NDRG3: variants seen among roughly 807,000 people sequenced by gnomAD.
NDRG3 encodes the protein protein NDRG3.
NDRG3 carries 23 observed loss-of-function variants against 57.2 expected under a neutral mutation model. The observed-to-expected ratio is 0.40, with a 90% CI of 0.29 to 0.57. NDRG3 has a LOEUF of 0.57. Among genes scored for constraint, NDRG3 ranks in the 20% least tolerant of loss-of-function variants. The pLI is 0.42. For missense variants in NDRG3, 384 were observed against 457.3 expected, an observed-to-expected ratio of 0.84 and a Z score of 1.46; for synonymous variants, 132 against 162.6, an observed-to-expected ratio of 0.81 and a Z score of 1.43.
At chr20:36,699,481 A>G (rs1983063500) in intron 3 of NDRG3, among the ~76,000 whole-genome samples, 1 of 152,292 alleles carries the variant, frequency 6.6e-6, no homozygotes, top group South Asian at 2.1e-4. Flanking sequence ...AGTTAAAGAG[A>G]GCGTCCGACA....
intron 4 of NDRG3, among the ~76,000 whole-genome samples, chr20:36,688,349 T>C (rs193292598): frequency 6.9e-4 from 105 of 152,040 alleles, no homozygotes; most frequent in Middle Eastern, 6.8e-3. Flanking sequence ...GTTCCAACTC[T>C]GAATTTTCTA....
chr20:36,661,591 A>T (rs1979204168), intron 12 of NDRG3, among the ~76,000 whole-genome samples: 1 of 152,200 alleles, frequency 6.6e-6, no homozygotes, highest in African/African-American at 2.4e-5. Context: ...GACTTCCAGA[A>T]TCAAGGCGAA....
intron 8 of NDRG3, among the ~76,000 whole-genome samples, 191 bp downstream of exon 8, chr20:36,680,625 T>C (rs1305600767): frequency 6.6e-6 from 1 of 152,158 alleles, no homozygotes; most frequent in Non-Finnish European, 1.5e-5. Context: ...TAGGAAAAGA[T>C]ACAACGGAAT....
At position 36,692,967 on chromosome 20, in the gene NDRG3, C is replaced by T. The variant is rs556244922; in HGVS notation, c.94-4183G>A. Among the ~76,000 whole-genome samples the T allele has an allele frequency of 1.9e-4, 27 of 142,504 alleles. No homozygotes were observed. The South Asian group carries it at 4.1e-3, about 22-fold the overall frequency. The allele number at this position is 142,504 out of a possible 152,430, so 93.5% of individuals were successfully genotyped here. A position where few individuals can be genotyped will look rare whatever the true frequency, so the allele number is the denominator to read the frequency against. ...GCATGTGCCAGTAATCCCAACTATT[C>T]GGGAAGCTGAGGCAGGAGAATGGCT... On this transcript the variant is annotated intron_variant, in intron 3 of 15. Transcript: ENST00000349004.
chr20:36,688,767 T>C lies in NDRG3; in HGVS notation c.111A>G (p.Thr37=). 1 of 1,613,406 alleles carries C rather than the reference T, an allele frequency of 6.2e-7. No individual in the cohort carries two copies. Residue 37 remains threonine, a synonymous_variant, in exon 4 of 16, where the codon ACA becomes ACG. Transcript: ENST00000349004. ...DFDCQEHDIE[T]THGVVHVTIR... Reference sequence around the variant, plus strand: ...TAGTGACGTGGACCACACCATGAGTTGTTTCTATATCATGTTCCTGTAACA... The same window carrying C: ...TAGTGACGTGGACCACACCATGAGTCGTTTCTATATCATGTTCCTGTAACA...
At chr20:36,668,321 T>C (rs1979813720) in intron 9 of NDRG3, among the ~76,000 whole-genome samples, 1 of 152,170 alleles carries the variant, frequency 6.6e-6, no homozygotes, top group South Asian at 2.1e-4. Context: ...TACACTTGCT[T>C]TCCCTTGTAA....
chr20:36,674,208 T>C (rs945180000), intron 8 of NDRG3, among the ~76,000 whole-genome samples: 3 of 152,178 alleles, frequency 2.0e-5, no homozygotes, highest in African/African-American at 7.2e-5. Flanking sequence ...AAATCTTTTT[T>C]TTCTTTTTTG....
chr20:36,671,670 C>A (rs1383746063), intron 8 of NDRG3, among the ~76,000 whole-genome samples: 1 of 151,928 alleles, frequency 6.6e-6, no homozygotes, highest in Non-Finnish European at 1.5e-5. Flanking sequence ...GGTGTGGTGG[C>A]AGGTACCTGT....
intron 3 of NDRG3, among the ~76,000 whole-genome samples, chr20:36,701,460 G>A (rs1423042686): frequency 6.6e-6 from 1 of 151,754 alleles, no homozygotes; most frequent in Non-Finnish European, 1.5e-5. Context: ...CGGGAAGATT[G>A]CTTCAGCCCA....
intron 2 of NDRG3, among the ~76,000 whole-genome samples, chr20:36,719,309 C>T (rs1479360822): frequency 1.3e-5 from 2 of 151,782 alleles, no homozygotes; most frequent in African/African-American, 4.8e-5. Context: ...CACCTGTAGT[C>T]CCAGCTACTT....
chr20:36,743,650 T>TA (rs1162813363), intron 1 of NDRG3, among the ~76,000 whole-genome samples: 2 of 150,708 alleles, frequency 1.3e-5, no homozygotes, highest in Non-Finnish European at 1.5e-5. Context: ...CTGTCTCTAC[T>TA]AAAAAAATAC....
chr20:36,744,803 G>A (rs367934460), intron 1 of NDRG3, among the ~76,000 whole-genome samples: 1 of 152,110 alleles, frequency 6.6e-6, no homozygotes, highest in Non-Finnish European at 1.5e-5. Flanking sequence ...CCAACCTTGG[G>A]GCAAAGGCAG....
intron 1 of NDRG3, among the ~76,000 whole-genome samples, chr20:36,742,388 C>G (rs1199210155): frequency 6.6e-6 from 1 of 152,144 alleles, no homozygotes; most frequent in Non-Finnish European, 1.5e-5. Context: ...TCTGGAATTT[C>G]AAGTTGTAGC....
At chr20:36,700,211 C>T (rs192781155) in intron 3 of NDRG3, among the ~76,000 whole-genome samples, 1 of 151,262 alleles carries the variant, frequency 6.6e-6, no homozygotes, top group Non-Finnish European at 1.5e-5. Flanking sequence ...GTAAAATTGG[C>T]TCCTTACAAA....
intron 1 of NDRG3, among the ~76,000 whole-genome samples, chr20:36,728,172 G>A (rs1985058852): frequency 6.6e-6 from 1 of 151,734 alleles, no homozygotes; most frequent in South Asian, 2.1e-4. Flanking sequence ...TCCTGCCTCA[G>A]CCTCCCGAGT....
At chr20:36,708,824 A>C (rs1478200482) in intron 2 of NDRG3, among the ~76,000 whole-genome samples, 1 of 152,060 alleles carries the variant, frequency 6.6e-6, no homozygotes. Context: ...GGATCACCTG[A>C]GGTTGGGAGT....
chr20:36,737,205 G>A (rs188915362), intron 1 of NDRG3, among the ~76,000 whole-genome samples: 14 of 152,106 alleles, frequency 9.2e-5, no homozygotes, highest in Non-Finnish European at 1.9e-4. Flanking sequence ...GACACCCATC[G>A]GCCAGCGGAA....
intron 1 of NDRG3, among the ~76,000 whole-genome samples, chr20:36,728,182 T>C (rs1055635083): frequency 6.6e-6 from 1 of 151,578 alleles, no homozygotes; most frequent in African/African-American, 2.4e-5. Context: ...GCCTCCCGAG[T>C]AGCTGGGACT....
chr20:36,723,733 G>C (rs1984751822), intron 1 of NDRG3, among the ~76,000 whole-genome samples: 1 of 145,432 alleles, frequency 6.9e-6, no homozygotes, highest in Non-Finnish European at 1.5e-5. Flanking sequence ...TTGAGACCTA[G>C]TCTTGCTCTG....
Sources: allele counts gnomAD v4.1 joint callset (sites outside exome capture counted in the v4.1 genomes callset), GRCh38; gene constraint gnomAD v4.1.1; transcripts MANE v1.5; gene names NCBI Gene and HGNC (gene_info 2026-07-23, HGNC 2026-07-21).